The following PRTFDC1 variants were observed in gnomAD, a reference collection of about 807,000 sequenced individuals.
The protein encoded by PRTFDC1 is phosphoribosyl transferase domain containing 1.
Under a neutral mutation model 34.6 loss-of-function variants are expected in PRTFDC1, and 38 were observed. The ratio of observed to expected loss-of-function variants is 1.10; its 90% CI spans 0.85 to 1.44. The LOEUF (loss-of-function observed/expected upper bound fraction) is 1.44, where lower values mean the gene tolerates loss of function less well. Ranked by LOEUF, PRTFDC1 falls within the 40% of genes most tolerant of loss-of-function variation. The probability of loss-of-function intolerance (pLI) is 0.00; values close to 1 mark genes in which losing one functional copy is unlikely to be tolerated. For synonymous variants in PRTFDC1, 93 were observed against 98.1 expected, an observed-to-expected ratio of 0.95 and a Z score of 0.31; for missense variants, 270 against 283.0, an observed-to-expected ratio of 0.95 and a Z score of 0.33.
At chr10:24,934,680 T>C (rs1417530675) in intron 3 of PRTFDC1, among the ~76,000 whole-genome samples, 2 of 152,178 alleles carry the variant, frequency 1.3e-5, no homozygotes, top group Non-Finnish European at 2.9e-5. Flanking sequence ...AGCTGCCGCT[T>C]CTAGTTGTCC....
chr10:24,917,873 G>A (rs1364674421), intron 3 of PRTFDC1, among the ~76,000 whole-genome samples: 1 of 152,200 alleles, frequency 6.6e-6, no homozygotes, highest in Non-Finnish European at 1.5e-5. Context: ...CACATGCCCG[G>A]CTGCTAAGGA....
chr10:24,903,258 G>A (rs1317469915), intron 3 of PRTFDC1, among the ~76,000 whole-genome samples: 1 of 152,152 alleles, frequency 6.6e-6, no homozygotes. Flanking sequence ...GAGAAAACAT[G>A]TTTGCACCTT....
intron 3 of PRTFDC1, among the ~76,000 whole-genome samples, chr10:24,921,763 C>T (rs1261001398): frequency 1.3e-5 from 2 of 150,792 alleles, no homozygotes; most frequent in African/African-American, 4.9e-5. Flanking sequence ...CAAAACTGTC[C>T]TCCTCCAAAT....
chr10:24,904,348 G>GT (rs920300872), intron 3 of PRTFDC1, among the ~76,000 whole-genome samples: 6 of 152,128 alleles, frequency 3.9e-5, no homozygotes, highest in African/African-American at 1.4e-4. Context: ...AAGCTAGTCT[G>GT]TGGGAATGAC....
chr10:24,857,427 T>C lies in PRTFDC1; in HGVS notation c.424-432A>G, dbSNP rs569939806. 4.6e-5 allele frequency among the ~76,000 whole-genome samples: 7 copies of C among 152,240 alleles called. No homozygotes were observed. In the East Asian group the frequency reaches 1.4e-3, roughly 29 times the overall value. On this transcript the variant is annotated intron_variant, in intron 5 of 8. Coordinates refer to ENST00000320152, the MANE Select transcript of PRTFDC1 (RefSeq NM_020200.7). ...CTCCCCCTTGTCCTCCCCCACTCAA[T>C]GGGGGATTCTATGGCTGGGAAGTGA...
At chr10:24,914,460 A>G (rs973509400) in intron 3 of PRTFDC1, among the ~76,000 whole-genome samples, 1 of 152,214 alleles carries the variant, frequency 6.6e-6, no homozygotes, top group Non-Finnish European at 1.5e-5. Context: ...AGAAAAACAC[A>G]GAAGAAAGGT....
chr10:24,855,975 A>G (rs1258744532), intron 6 of PRTFDC1, among the ~76,000 whole-genome samples: 1 of 151,096 alleles, frequency 6.6e-6, no homozygotes, highest in Non-Finnish European at 1.5e-5. Context: ...TTGGCTGGGC[A>G]TGGTGGTACG....
intron 3 of PRTFDC1, among the ~76,000 whole-genome samples, chr10:24,935,949 C>T (rs191172361): frequency 6.6e-6 from 1 of 152,314 alleles, no homozygotes; most frequent in East Asian, 1.9e-4. Flanking sequence ...AACTAACACA[C>T]TGATTTCATC....
At chr10:24,867,103 T>C (rs536391803) in intron 4 of PRTFDC1, among the ~76,000 whole-genome samples, 2 of 152,200 alleles carry the variant, frequency 1.3e-5, no homozygotes, top group South Asian at 4.2e-4. Context: ...TAATCCCATG[T>C]CTTCAAGGGC....
chr10:24,866,360 C>CAAAA (rs372329425), intron 4 of PRTFDC1, among the ~76,000 whole-genome samples: 5 of 51,794 alleles, frequency 9.7e-5, no homozygotes, highest in Non-Finnish European at 1.6e-4. Flanking sequence ...GATTCTGCCT[C>CAAAA]AAAAAAAAAA....
At chr10:24,888,709 G>A (rs903958811) in intron 3 of PRTFDC1, among the ~76,000 whole-genome samples, 1 of 152,184 alleles carries the variant, frequency 6.6e-6, no homozygotes, top group African/African-American at 2.4e-5. Flanking sequence ...ACTGACCAAA[G>A]TCAGATAGGG....
intron 6 of PRTFDC1, 55 bp downstream of exon 6, chr10:24,856,858 C>G: frequency 6.9e-7 from 1 of 1,459,350 alleles, no homozygotes; most frequent in Non-Finnish European, 9.6e-7. Flanking sequence ...GTTAGCATCC[C>G]TTTTGGGCTT....
intron 3 of PRTFDC1, among the ~76,000 whole-genome samples, chr10:24,922,130 G>T (rs1184257828): frequency 6.6e-6 from 1 of 152,024 alleles, no homozygotes; most frequent in East Asian, 1.9e-4. Flanking sequence ...AATACAAATG[G>T]AATATGTAAT....
chr10:24,942,213 C>A, intron 2 of PRTFDC1, 117 bp downstream of exon 2: 1 of 749,836 alleles, frequency 1.3e-6, no homozygotes, highest in Non-Finnish European at 2.3e-6. Context: ...TATAAAAGTT[C>A]TCTCTACCAC....
intron 2 of PRTFDC1, 29 bp downstream of exon 2, chr10:24,942,301 C>T (rs776270997): frequency 6.4e-7 from 1 of 1,566,826 alleles, no homozygotes; most frequent in East Asian, 2.2e-5. Context: ...CAGTGCAGGA[C>T]CAAGATTGAC....
intron 1 of PRTFDC1, among the ~76,000 whole-genome samples, chr10:24,950,335 T>C (rs1344012986): frequency 6.6e-6 from 1 of 152,158 alleles, no homozygotes; most frequent in East Asian, 1.9e-4. Flanking sequence ...ATTTGCATTA[T>C]ACTTCCTGGT....
In PRTFDC1 at chr10:24,882,215, A is replaced by AAAAAAAG. The variant is rs533339656; in HGVS notation, c.340-10153_340-10152insCTTTTTT. On this transcript the variant is annotated intron_variant, in intron 3 of 8. Coordinates refer to ENST00000320152, the MANE Select transcript of PRTFDC1 (RefSeq NM_020200.7). ...GAGCGGATCTGCCTCAAAAAAAAAA[A>AAAAAAAG]AAAAGAAAAGAAAAGAAAAAGAGAA... Among the ~76,000 whole-genome samples, 663 of 147,072 alleles carry AAAAAAAG rather than the reference A, an allele frequency of 4.5e-3. 6 individuals carry two copies. Among genetic ancestry groups the AAAAAAAG allele is most frequent in the Non-Finnish European group, 6.8e-3 (450 of 66,650 alleles).
intron 6 of PRTFDC1, among the ~76,000 whole-genome samples, chr10:24,856,323 G>A (rs1010667898): frequency 6.6e-6 from 1 of 150,814 alleles, no homozygotes; most frequent in Non-Finnish European, 1.5e-5. Flanking sequence ...GCAGTGGCTC[G>A]TGCCTGTAAT....
chr10:24,910,300 G>C (rs763917009), intron 3 of PRTFDC1, among the ~76,000 whole-genome samples: 1 of 152,176 alleles, frequency 6.6e-6, no homozygotes, highest in East Asian at 1.9e-4. Context: ...GTTGAGGAAA[G>C]AACATTGCAT....
Sources: gnomAD v4.1 joint callset for allele counts (sites outside exome capture counted in the v4.1 genomes callset) on GRCh38, gnomAD v4.1.1 for gene constraint, MANE v1.5 for transcripts, NCBI Gene and HGNC (gene_info 2026-07-23, HGNC 2026-07-21) for gene names.